Variants in CAMK4 observed in about 807,000 individuals in gnomAD.
The protein encoded by CAMK4 is calcium/calmodulin-dependent protein kinase type IV.
CAMK4 carries 22 observed loss-of-function variants against 44.9 expected under a neutral mutation model. That is an observed-to-expected ratio of 0.49 (90% confidence interval 0.35 to 0.70). The LOEUF is 0.70. Among genes scored for constraint, CAMK4 ranks in the 30% least tolerant of loss-of-function variants. The pLI is 0.01. For synonymous variants in CAMK4, 218 were observed against 215.4 expected (o/e 1.01, Z -0.11); for missense variants, 498 against 586.8 (o/e 0.85, Z 1.56).
chr5:111,342,829 ATAT>A (rs1279846701), intron 1 of CAMK4, among the ~76,000 whole-genome samples: 5 of 151,636 alleles, frequency 3.3e-5, no homozygotes, highest in African/African-American at 1.2e-4. Context: ...TATTTAAATA[ATAT>A]TAGACTACCA....
chr5:111,355,965 G>A (rs1287842374), intron 2 of CAMK4, among the ~76,000 whole-genome samples: 18 of 104,460 alleles, frequency 1.7e-4, no homozygotes, highest in South Asian at 4.6e-4. Flanking sequence ...ATAAACATAC[G>A]TGTGCATGTG....
At chr5:111,391,789 C>A (rs140803565) in intron 4 of CAMK4, among the ~76,000 whole-genome samples, 3 of 152,172 alleles carry the variant, frequency 2.0e-5, no homozygotes, top group Non-Finnish European at 4.4e-5. Context: ...GAACAACTAC[C>A]GTGTTTTTCA....
intron 1 of CAMK4, among the ~76,000 whole-genome samples, chr5:111,298,252 A>G (rs548801368): frequency 1.3e-5 from 2 of 152,382 alleles, no homozygotes; most frequent in East Asian, 3.9e-4. Flanking sequence ...TGGAGCCCAT[A>G]TAAAACCAAA....
chr5:111,224,442 G>T lies in CAMK4; in HGVS notation c.-42G>T. The T allele has an allele frequency of 1.4e-6, 2 of 1,384,958 alleles. No individual in the cohort carries two copies. Among genetic ancestry groups the T allele is most frequent in the Non-Finnish European group, 1.9e-6 (2 of 1,048,082 alleles). The allele number at this position is 1,384,958 out of a possible 1,614,324, so 85.8% of individuals were successfully genotyped here. On this transcript the variant is annotated 5_prime_UTR_variant, in exon 1 of 11. Coordinates refer to ENST00000282356, the MANE Select transcript of CAMK4 (RefSeq NM_001744.6). The surrounding 1 kb of genome is among the most constrained non-coding windows in gnomAD (Gnocchi z 5.7). ...GCGGCCGGCTTCTCGCTCGGGCAGC[G>T]GCGGCGGCGGCGGCGGCGGCTTCCG... is the stretch of plus-strand genomic sequence containing the variant.
intron 2 of CAMK4, among the ~76,000 whole-genome samples, chr5:111,356,745 A>G (rs1310646404): frequency 6.6e-6 from 1 of 152,122 alleles, no homozygotes; most frequent in Non-Finnish European, 1.5e-5. Context: ...TGCCAGCACC[A>G]TTTATTAAAT....
intron 1 of CAMK4, among the ~76,000 whole-genome samples, chr5:111,250,067 T>A (rs902749006): frequency 6.6e-6 from 1 of 152,190 alleles, no homozygotes; most frequent in Non-Finnish European, 1.5e-5. Flanking sequence ...ACTACCTGAT[T>A]ATCTGTCTGA....
In CAMK4 at chr5:111,484,515, T is replaced by G; in HGVS notation, c.*49T>G. 1 of 1,318,198 alleles carries G rather than the reference T, an allele frequency of 7.6e-7. No individual in the cohort carries two copies. The highest frequency in any genetic ancestry group is 1.0e-6 in the Non-Finnish European group (1 of 971,402). 81.7% of individuals were successfully genotyped at this position (1,318,198 alleles called of 1,614,324 possible). On this transcript the variant is annotated 3_prime_UTR_variant, in exon 11 of 11. Coordinates refer to ENST00000282356, the MANE Select transcript of CAMK4 (RefSeq NM_001744.6). This position sits in a 1 kb window ranked among gnomAD's most constrained non-coding sequence, Gnocchi z 5.3. ...CCAAACACCGGCATTTTATGTACTT[T>G]GTCCTTCAGCAAGAAAGGTGTGGAA...
Position 111,243,963 on chromosome 5 carries a change from T to C in CAMK4, c.161+19319T>C, listed in dbSNP as rs73230472. ...ACCAGTCCAGTGTTTTGTTTGTTTG[T>C]TTTTGTTTTTTTAATACAGATGAAG... On this transcript the variant is annotated intron_variant, in intron 1 of 10. Coordinates refer to ENST00000282356, the MANE Select transcript of CAMK4 (RefSeq NM_001744.6). 8.6e-3 allele frequency among the ~76,000 whole-genome samples: 1,314 copies of C among 152,278 alleles called. 19 individuals are homozygous for C. Among genetic ancestry groups the C allele is most frequent in the African/African-American group, 0.03 (1,259 of 41,538 alleles).
rs565597739 is a variant in CAMK4, at chr5:111,325,399, A to T, written c.162-18625A>T. Among the ~76,000 whole-genome samples the T allele has an allele frequency of 5.3e-5, 8 of 152,188 alleles. No individual in the cohort carries two copies. The East Asian group carries it at 1.6e-3, about 30-fold the overall frequency. On this transcript the variant is annotated intron_variant, in intron 1 of 10. Coordinates refer to ENST00000282356, the MANE Select transcript of CAMK4 (RefSeq NM_001744.6). Reference sequence around the variant, plus strand: ...ACCCCGTAGTAGGATTGCCGGGTCAAATGGTATTTCTGGTTCTAGATCCTT... The same window carrying T: ...ACCCCGTAGTAGGATTGCCGGGTCATATGGTATTTCTGGTTCTAGATCCTT...
intron 4 of CAMK4, among the ~76,000 whole-genome samples, chr5:111,383,918 G>A (rs906741318): frequency 6.6e-6 from 1 of 152,156 alleles, no homozygotes; most frequent in South Asian, 2.1e-4. Flanking sequence ...TATATGCTAT[G>A]ACTCTATGAC....
At chr5:111,423,502 C>A (rs1753106057) in intron 5 of CAMK4, among the ~76,000 whole-genome samples, 1 of 152,166 alleles carries the variant, frequency 6.6e-6, no homozygotes, top group South Asian at 2.1e-4. Context: ...GCAATTTATC[C>A]TTTGAAATGT....
intron 2 of CAMK4, among the ~76,000 whole-genome samples, chr5:111,359,658 A>T (rs907841488): frequency 2.0e-5 from 3 of 152,084 alleles, no homozygotes; most frequent in African/African-American, 7.2e-5. Flanking sequence ...TTCCTTGCCA[A>T]TTCCTATGTC....
At chr5:111,405,983 G>A (rs1296275880) in intron 5 of CAMK4, among the ~76,000 whole-genome samples, 3 of 151,992 alleles carry the variant, frequency 2.0e-5, no homozygotes, top group Non-Finnish European at 4.4e-5. Context: ...TTTAAAGTAG[G>A]AAACTGCAGA....
At chr5:111,237,973 T>G (rs1010701379) in intron 1 of CAMK4, among the ~76,000 whole-genome samples, 1 of 152,218 alleles carries the variant, frequency 6.6e-6, no homozygotes, top group African/African-American at 2.4e-5. Context: ...TTCCTGATGT[T>G]TATGCACTGT....
At chr5:111,407,610 C>G (rs1331207411) in intron 5 of CAMK4, among the ~76,000 whole-genome samples, 1 of 152,058 alleles carries the variant, frequency 6.6e-6, no homozygotes, top group Non-Finnish European at 1.5e-5. Context: ...ATATCTTAAA[C>G]AAACAACAAC....
At chr5:111,232,765 A>T (rs996105134) in intron 1 of CAMK4, among the ~76,000 whole-genome samples, 61 of 145,996 alleles carry the variant, frequency 4.2e-4, no homozygotes, top group Admixed American at 9.6e-4. Flanking sequence ...GATGATGTAA[A>T]TTTTTTTTTT....
chr5:111,417,039 A>G lies in CAMK4; in HGVS notation c.459+22257A>G, dbSNP rs138294620. Among the ~76,000 whole-genome samples the G allele has an allele frequency of 1.1e-4, 17 of 152,254 alleles. No individual in the cohort carries two copies. In the East Asian group the frequency reaches 3.3e-3, roughly 29 times the overall value. ...GGTAAATAAATATTGGATTCAATTT[A>G]TCAACTTAATTTTTTTATTTGTATG... is the stretch of plus-strand genomic sequence containing the variant. On this transcript the variant is annotated intron_variant, in intron 5 of 10. Coordinates refer to ENST00000282356, the MANE Select transcript of CAMK4 (RefSeq NM_001744.6).
chr5:111,279,753 G>A (rs1050465147), intron 1 of CAMK4, among the ~76,000 whole-genome samples: 1 of 152,144 alleles, frequency 6.6e-6, no homozygotes, highest in Non-Finnish European at 1.5e-5. Flanking sequence ...GTGTATGTGT[G>A]TGTATATTTA....
chr5:111,291,440 T>C (rs1747252419), intron 1 of CAMK4, among the ~76,000 whole-genome samples: 1 of 152,198 alleles, frequency 6.6e-6, no homozygotes, highest in Non-Finnish European at 1.5e-5. Context: ...AAGTGGAAAT[T>C]TTTACTCATC....
Sources: gnomAD v4.1 joint callset for allele counts (sites outside exome capture counted in the v4.1 genomes callset) on GRCh38, gnomAD v4.1.1 for gene constraint, Gnocchi (gnomAD v3.1) non-coding constraint, MANE v1.5 for transcripts, NCBI Gene and HGNC (gene_info 2026-07-23, HGNC 2026-07-21) for gene names.